The following DLGAP2 variants were observed in gnomAD, a reference collection of about 807,000 sequenced individuals.
DLGAP2 encodes DLG associated protein 2, also known as disks large-associated protein 2.
In DLGAP2, 26 loss-of-function variants were observed where a neutral mutation model predicts 100.3. The observed-to-expected ratio is 0.26, with a 90% CI of 0.19 to 0.36. The LOEUF (loss-of-function observed/expected upper bound fraction) is 0.36. Among genes scored for constraint, DLGAP2 ranks in the 10% least tolerant of loss-of-function variants. The pLI is 1.00. For synonymous variants in DLGAP2, 886 were observed against 630.1 expected, an observed-to-expected ratio of 1.41 and a Z score of -6.08; for missense variants, 1,858 against 1,453.2, an observed-to-expected ratio of 1.28 and a Z score of -4.53.
chr8:1,045,735 T>A (rs1334080898), intron 2 of DLGAP2, among the ~76,000 whole-genome samples: 2 of 152,198 alleles, frequency 1.3e-5, no homozygotes, highest in Non-Finnish European at 2.9e-5. Context: ...GTGTGTGTGT[T>A]GTCTGTTTTG....
intron 3 of DLGAP2, among the ~76,000 whole-genome samples, chr8:1,487,211 C>T (rs1799255372): frequency 6.6e-6 from 1 of 152,170 alleles, no homozygotes; most frequent in Non-Finnish European, 1.5e-5. Flanking sequence ...AATAGGAAAC[C>T]AGTTTCATCT....
chr8:810,055 G>A (rs1240187162), intron 1 of DLGAP2, among the ~76,000 whole-genome samples: 3 of 152,212 alleles, frequency 2.0e-5, no homozygotes, highest in Admixed American at 1.3e-4. Flanking sequence ...CCATCAGCAC[G>A]ACTGGGGGTG....
intron 3 of DLGAP2, among the ~76,000 whole-genome samples, chr8:1,312,864 A>G (rs1466373355): frequency 6.6e-6 from 1 of 152,220 alleles, no homozygotes; most frequent in Non-Finnish European, 1.5e-5. Flanking sequence ...ATCTGTAGGA[A>G]AACAGCCACT....
At chr8:1,546,267 C>T (rs572722481) in intron 4 of DLGAP2, among the ~76,000 whole-genome samples, 18 of 152,336 alleles carry the variant, frequency 1.2e-4, no homozygotes, top group Admixed American at 8.5e-4. Flanking sequence ...TATCCTTCAA[C>T]TGGGGACTGT....
chr8:764,206 A>G (rs1335138799), intron 1 of DLGAP2, among the ~76,000 whole-genome samples: 1 of 152,220 alleles, frequency 6.6e-6, no homozygotes, highest in Non-Finnish European at 1.5e-5. Flanking sequence ...TCATTTTGGC[A>G]ATGAAGAGTC....
At chr8:1,277,110 T>A (rs1202404601) in intron 3 of DLGAP2, among the ~76,000 whole-genome samples, 1 of 152,216 alleles carries the variant, frequency 6.6e-6, no homozygotes, top group Non-Finnish European at 1.5e-5. Context: ...CATAGCTTTA[T>A]CTGCATGCTC....
chr8:1,535,323 G>A (rs146029863), intron 4 of DLGAP2, among the ~76,000 whole-genome samples: 13 of 152,340 alleles, frequency 8.5e-5, no homozygotes, highest in Non-Finnish European at 1.2e-4. Flanking sequence ...CCTGCCCTCA[G>A]TGTCTGGATT....
intron 2 of DLGAP2, among the ~76,000 whole-genome samples, chr8:1,192,022 G>A (rs554691182): frequency 2.0e-4 from 30 of 152,182 alleles, no homozygotes; most frequent in Non-Finnish European, 4.1e-4. Flanking sequence ...CGGTTACCTT[G>A]TATGACTGGA....
chr8:1,234,113 G>A (rs62486946), intron 2 of DLGAP2, among the ~76,000 whole-genome samples: 16,706 of 152,200 alleles, frequency 0.11, 1,046 homozygotes, highest in South Asian at 0.17. Flanking sequence ...GTAGCCTGTT[G>A]CTATAAAGAG....
intron 2 of DLGAP2, among the ~76,000 whole-genome samples, chr8:1,195,466 A>G (rs1797731450): frequency 6.6e-6 from 1 of 152,220 alleles, no homozygotes; most frequent in South Asian, 2.1e-4. Flanking sequence ...CAGGACAGAA[A>G]ACTGTTTTCA....
chr8:1,258,399 C>T (rs961470150), intron 2 of DLGAP2, among the ~76,000 whole-genome samples: 3 of 141,058 alleles, frequency 2.1e-5, no homozygotes, highest in African/African-American at 7.9e-5. Context: ...AACACATGGA[C>T]ATAGAGGGGA....
chr8:1,454,842 A>C (rs996062023), intron 3 of DLGAP2, among the ~76,000 whole-genome samples: 1 of 152,174 alleles, frequency 6.6e-6, no homozygotes, highest in Non-Finnish European at 1.5e-5. Context: ...CATCAGGATG[A>C]TGGAAGGTTA....
At chr8:1,459,269 C>T (rs1469581954) in intron 3 of DLGAP2, among the ~76,000 whole-genome samples, 2 of 137,854 alleles carry the variant, frequency 1.5e-5, no homozygotes, top group East Asian at 4.5e-4. Flanking sequence ...GGTTTACATG[C>T]ATATACCTGA....
At chr8:1,632,633 A>C (rs916652761) in intron 7 of DLGAP2, among the ~76,000 whole-genome samples, 194 bp from the exon 8 acceptor site, 5 of 152,218 alleles carry the variant, frequency 3.3e-5, no homozygotes, top group African/African-American at 1.2e-4. Context: ...CTGTTTGCCT[A>C]AGTGTTTCGT....
At chr8:1,287,314 C>CGTGT (rs770250090) in intron 3 of DLGAP2, among the ~76,000 whole-genome samples, 1 of 75,690 alleles carries the variant, frequency 1.3e-5, no homozygotes. Context: ...TTCGGTTCAG[C>CGTGT]GTGTGTGTGT....
chr8:769,542 T>G (rs1821303312), intron 1 of DLGAP2, among the ~76,000 whole-genome samples: 1 of 152,192 alleles, frequency 6.6e-6, no homozygotes, highest in African/African-American at 2.4e-5. Flanking sequence ...GAGAAATCTT[T>G]CAGAAAGTTT....
chr8:948,556 G>T (rs889099083), intron 2 of DLGAP2, among the ~76,000 whole-genome samples: 1 of 152,232 alleles, frequency 6.6e-6, no homozygotes, highest in Non-Finnish European at 1.5e-5. Context: ...GCCCCACGGG[G>T]CCTGAGTGCA....
intron 3 of DLGAP2, chr8:1,300,970 C>T (rs540903064): frequency 2.6e-5 from 4 of 152,416 alleles, no homozygotes; most frequent in East Asian, 3.9e-4. Flanking sequence ...CCACTCTGTG[C>T]TCATCTGGTG....
chr8:1,039,848 A>G (rs1180159465), intron 2 of DLGAP2, among the ~76,000 whole-genome samples: 10 of 136,382 alleles, frequency 7.3e-5, no homozygotes, highest in East Asian at 4.5e-4. Context: ...GTGCATGTTC[A>G]GCTCGGTGTG....
Sources: gnomAD v4.1 joint callset for allele counts (sites outside exome capture counted in the v4.1 genomes callset) on GRCh38, gnomAD v4.1.1 for gene constraint, MANE v1.5 for transcripts, NCBI Gene and HGNC (gene_info 2026-07-23, HGNC 2026-07-21) for gene names.